DDX6: variants seen among roughly 807,000 people sequenced by gnomAD.
The protein encoded by DDX6 is probable ATP-dependent RNA helicase DDX6.
Under a neutral mutation model 60.6 loss-of-function variants are expected in DDX6, and 7 were observed. The ratio of observed to expected loss-of-function variants is 0.12; its 90% CI spans 0.07 to 0.22. The LOEUF (loss-of-function observed/expected upper bound fraction) is 0.22, where lower values mean the gene tolerates loss of function less well. Among genes scored for constraint, DDX6 ranks in the 10% least tolerant of loss-of-function variants. The pLI, the probability that DDX6 is intolerant of heterozygous loss-of-function variation, is 1.00. For missense variants in DDX6, 270 were observed against 589.9 expected (o/e 0.46, Z 5.62); for synonymous variants, 207 against 201.0 (o/e 1.03, Z -0.25).
chr11:118,781,100 T>A, intron 3 of DDX6, 21 bp downstream of exon 3: 2 of 1,539,226 alleles, frequency 1.3e-6, no homozygotes, highest in East Asian at 4.5e-5. Context: ...TTATTCTACT[T>A]GTATTTTACA....
At chr11:118,756,410 T>C in intron 10 of DDX6, 87 bp from the exon 11 acceptor site, 4 of 1,064,946 alleles carry the variant, frequency 3.8e-6, no homozygotes, top group East Asian at 2.5e-5. Flanking sequence ...CGATCAGTTC[T>C]ACCCAAAATC....
chr11:118,780,387 G>T (rs1376044869), intron 3 of DDX6, among the ~76,000 whole-genome samples: 1 of 151,884 alleles, frequency 6.6e-6, no homozygotes, highest in African/African-American at 2.4e-5. Flanking sequence ...GCGTGATCTC[G>T]GCTCACTGCA....
At chr11:118,763,373 T>C (rs1158020346) in intron 6 of DDX6, 67 bp from the exon 7 acceptor site, 1 of 1,219,740 alleles carries the variant, frequency 8.2e-7, no homozygotes, top group East Asian at 2.3e-5. Flanking sequence ...TAAAGGTTTA[T>C]AATATTACAG....
chr11:118,748,142 A>C lies in DDX6; in HGVS notation c.*3963T>G, dbSNP rs1555156272. Reference sequence around the variant, plus strand: ...CTCCCCTTCCCACACAACCAATGTAAAATACAGCAGCCTGTATCTTAATAA... The same window carrying C: ...CTCCCCTTCCCACACAACCAATGTACAATACAGCAGCCTGTATCTTAATAA... On this transcript the variant is annotated 3_prime_UTR_variant, in exon 14 of 14. Coordinates refer to ENST00000534980, the MANE Select transcript of DDX6 (RefSeq NM_004397.6). 1 of 152,104 alleles carries C rather than the reference A, an allele frequency of 6.6e-6. No individual in the cohort carries two copies. The highest frequency in any genetic ancestry group is 2.4e-5 in the African/African-American group (1 of 41,414). 9.4% of individuals were successfully genotyped at this position (152,104 alleles called of 1,614,324 possible).
chr11:118,789,729 A>G (rs1862202096), intron 1 of DDX6: 1 of 152,214 alleles, frequency 6.6e-6, no homozygotes, highest in South Asian at 2.1e-4. Context: ...GGCAACCTCT[A>G]AAGACCGAAC....
intron 5 of DDX6, among the ~76,000 whole-genome samples, chr11:118,766,033 T>A (rs1264153240): frequency 1.3e-5 from 2 of 151,354 alleles, no homozygotes; most frequent in Non-Finnish European, 2.9e-5. Flanking sequence ...ATTGTGCCAC[T>A]GCACTCCAGT....
intron 7 of DDX6, among the ~76,000 whole-genome samples, chr11:118,761,837 T>C (rs1173853146): frequency 2.1e-5 from 3 of 140,528 alleles, no homozygotes; most frequent in Admixed American, 1.5e-4. Flanking sequence ...ACCTACCTTA[T>C]AGGTTTCTTG....
At chr11:118,753,078 G>A (rs1298748663) in intron 13 of DDX6, among the ~76,000 whole-genome samples, 1 of 152,180 alleles carries the variant, frequency 6.6e-6, no homozygotes, top group Non-Finnish European at 1.5e-5. Context: ...GCCCAGGCTC[G>A]AGTGCAATGG....
chr11:118,766,421 A>G (rs894328067), intron 5 of DDX6, among the ~76,000 whole-genome samples: 8 of 152,252 alleles, frequency 5.3e-5, no homozygotes, highest in Admixed American at 2.6e-4. Flanking sequence ...GTGACACAGC[A>G]AGACTCTGTC....
rs576948199 is a variant in DDX6, at chr11:118,779,781, G to A, written c.265-45C>T. 42 of 1,386,530 alleles carry A rather than the reference G, an allele frequency of 3.0e-5. 1 individual carries two copies. In the South Asian group the frequency reaches 5.1e-4, roughly 17 times the overall value. 85.9% of individuals were successfully genotyped at this position (1,386,530 alleles called of 1,614,324 possible). ...CAATAAAAGAATAAATAACACTGTT[G>A]GTAAATTTGGTGTCCTTTGGTAAAT... On this transcript the variant is annotated intron_variant, in intron 3 of 13. Transcript: ENST00000534980.
At chr11:118,784,179 T>C (rs1164559388) in intron 2 of DDX6, among the ~76,000 whole-genome samples, 1 of 151,892 alleles carries the variant, frequency 6.6e-6, no homozygotes, top group African/African-American at 2.4e-5. Flanking sequence ...ACAACTGAAG[T>C]AGTATTCATT....
chr11:118,779,150 A>T (rs486651), intron 4 of DDX6, among the ~76,000 whole-genome samples: 119,785 of 138,878 alleles, frequency 0.86, 51,870 homozygotes, highest in East Asian at 1. Flanking sequence ...GGCAAGACCC[A>T]GTTGCCAAAA....
rs529490318 is a variant in DDX6 at position 118,755,890 on chromosome 11, C to T, written c.1174+370G>A. On this transcript the variant is annotated intron_variant, in intron 11 of 13. Coordinates refer to ENST00000534980, the MANE Select transcript of DDX6 (RefSeq NM_004397.6). ...ATTAGCCGGGCTAAGCGGTAGCAGGCGCCCACAATCCCAGCTACTTGGGAG... is the reference window on the plus strand; with the variant it reads ...ATTAGCCGGGCTAAGCGGTAGCAGGTGCCCACAATCCCAGCTACTTGGGAG... Among the ~76,000 whole-genome samples the T allele has an allele frequency of 1.2e-4, 18 of 152,096 alleles. No homozygotes were observed. In the South Asian group the frequency reaches 1.2e-3, roughly 11 times the overall value.
rs1196418213 is a variant in DDX6, at chr11:118,751,219, T to C, written c.*886A>G. 3.3e-5 allele frequency: 5 copies of C among 152,338 alleles called. No individual in the cohort carries two copies. The highest frequency in any genetic ancestry group is 1.2e-4 in the African/African-American group (5 of 41,382). The allele number at this position is 152,338 out of a possible 1,614,324, so 9.4% of individuals were successfully genotyped here. On this transcript the variant is annotated 3_prime_UTR_variant, in exon 14 of 14. Transcript: ENST00000534980. ...TACACATCAAGTGCCATACTACTACTGGAGGCATATGTAACCCAGTCTTTA... is the reference window on the plus strand; with the variant it reads ...TACACATCAAGTGCCATACTACTACCGGAGGCATATGTAACCCAGTCTTTA...
rs1351440615 is a variant in DDX6, at chr11:118,755,845, T to C, written c.1175-342A>G. On this transcript the variant is annotated intron_variant, in intron 11 of 13. Coordinates refer to ENST00000534980, the MANE Select transcript of DDX6 (RefSeq NM_004397.6). ...CCTGGCCAACATGGTGAAATCCCTG[T>C]CTCTACCAAAAATACAAAAATTAGC... is the stretch of plus-strand genomic sequence containing the variant. 3.9e-5 allele frequency among the ~76,000 whole-genome samples: 6 copies of C among 152,172 alleles called. No homozygotes were observed. In the East Asian group the frequency reaches 1.2e-3, roughly 29 times the overall value.
intron 7 of DDX6, among the ~76,000 whole-genome samples, chr11:118,760,756 C>T (rs1268309093): frequency 4.1e-5 from 6 of 146,988 alleles, no homozygotes; most frequent in Non-Finnish European, 6.0e-5. Context: ...GGGAGGCGGA[C>T]GCTGCAGTGA....
At chr11:118,758,737 G>C in intron 9 of DDX6, 37 bp downstream of exon 9, 1 of 1,608,702 alleles carries the variant, frequency 6.2e-7, no homozygotes, top group Non-Finnish European at 8.5e-7. Context: ...ACTGGGACTC[G>C]AGAGATAATA....
intron 3 of DDX6, among the ~76,000 whole-genome samples, chr11:118,780,552 G>A (rs1390200010): frequency 6.6e-6 from 1 of 152,148 alleles, no homozygotes; most frequent in Non-Finnish European, 1.5e-5. Flanking sequence ...CCTGACCTCA[G>A]GTGATCCGCC....
chr11:118,779,617 A>G lies in DDX6; in HGVS notation c.369+15T>C. The G allele has an allele frequency of 6.4e-7, 1 of 1,552,820 alleles. No individual in the cohort carries two copies. The highest frequency in any genetic ancestry group is 8.8e-7 in the Non-Finnish European group (1 of 1,131,528). On this transcript the variant is annotated intron_variant, in intron 4 of 13. Transcript: ENST00000534980. ...ACACATAACCTTACATATGTGATAA[A>G]AAGGGTTAACATACCTGAATAGGAG...
Sources: allele counts gnomAD v4.1 joint callset (sites outside exome capture counted in the v4.1 genomes callset), GRCh38; gene constraint gnomAD v4.1.1; transcripts MANE v1.5; gene names NCBI Gene and HGNC (gene_info 2026-07-23, HGNC 2026-07-21).